Variants in DOCK2 observed in about 807,000 individuals in gnomAD.
The protein encoded by DOCK2 is dedicator of cytokinesis 2, also known as dedicator of cytokinesis protein 2.
In DOCK2, 87 loss-of-function variants were observed where a neutral mutation model predicts 248.9. The observed-to-expected ratio is 0.35, with a 90% CI of 0.29 to 0.42. The LOEUF (loss-of-function observed/expected upper bound fraction) is 0.42. Ranked by LOEUF, DOCK2 falls within the 10% of genes least tolerant of loss-of-function variation. The pLI is 1.00. For missense variants in DOCK2, 1,747 were observed against 2,300.2 expected, an observed-to-expected ratio of 0.76 and a Z score of 4.92; for synonymous variants, 805 against 821.6, an observed-to-expected ratio of 0.98 and a Z score of 0.35.
At chr5:169,865,089 G>A (rs906660721) in intron 27 of DOCK2, among the ~76,000 whole-genome samples, 1 of 152,172 alleles carries the variant, frequency 6.6e-6, no homozygotes, top group African/African-American at 2.4e-5. Flanking sequence ...ATATCTTGGA[G>A]AGCTTTACAT....
intron 25 of DOCK2, among the ~76,000 whole-genome samples, chr5:169,776,620 C>T (rs773247894): frequency 5.3e-5 from 8 of 152,196 alleles, no homozygotes; most frequent in Middle Eastern, 3.2e-3. Flanking sequence ...CTTGGCTCTG[C>T]GCCCCTGACC....
intron 27 of DOCK2, among the ~76,000 whole-genome samples, chr5:169,849,163 G>A (rs1192944711): frequency 6.6e-6 from 1 of 152,216 alleles, no homozygotes; most frequent in Non-Finnish European, 1.5e-5. Flanking sequence ...TTGTTGAAAA[G>A]TAATATTTAT....
intron 26 of DOCK2, among the ~76,000 whole-genome samples, chr5:169,805,910 C>T (rs1238658581): frequency 6.6e-6 from 1 of 152,152 alleles, no homozygotes; most frequent in African/African-American, 2.4e-5. Flanking sequence ...TGGGGACTAA[C>T]CCACCCCTTT....
chr5:169,814,509 T>A (rs1767949728), intron 26 of DOCK2, among the ~76,000 whole-genome samples: 1 of 152,160 alleles, frequency 6.6e-6, no homozygotes, highest in Non-Finnish European at 1.5e-5. Flanking sequence ...CTGGCAAAAT[T>A]AGAATAAAGG....
At chr5:169,811,116 T>C (rs541856048) in intron 26 of DOCK2, among the ~76,000 whole-genome samples, 2 of 152,030 alleles carry the variant, frequency 1.3e-5, no homozygotes, top group African/African-American at 4.8e-5. Flanking sequence ...GGGAGGGGAC[T>C]GCGGCATGAG....
intron 27 of DOCK2, among the ~76,000 whole-genome samples, chr5:169,891,378 T>C (rs1773270745): frequency 6.6e-6 from 1 of 152,216 alleles, no homozygotes; most frequent in Admixed American, 6.5e-5. Context: ...GAGTAAATTC[T>C]TATAGTTAGA....
At chr5:169,899,303 G>A (rs1773789312) in intron 27 of DOCK2, among the ~76,000 whole-genome samples, 1 of 152,150 alleles carries the variant, frequency 6.6e-6, no homozygotes, top group Non-Finnish European at 1.5e-5. Flanking sequence ...TCCTCAGAGT[G>A]CCTGACTTCC....
chr5:169,663,634 A>C (rs1758568935), intron 2 of DOCK2, among the ~76,000 whole-genome samples: 1 of 152,186 alleles, frequency 6.6e-6, no homozygotes, highest in Admixed American at 6.5e-5. Context: ...AAGCCACCAA[A>C]TCTTGGGGCC....
rs1259560465 is a variant in DOCK2, at chr5:169,708,272, T to G, written c.1482+5T>G. Reference sequence around the variant, plus strand: ...CGCTGGATGGAAACAGTCAAGGTAATAATTAATAATAGCAGCAAACACATG... The same window carrying G: ...CGCTGGATGGAAACAGTCAAGGTAAGAATTAATAATAGCAGCAAACACATG... On this transcript the variant is annotated splice_donor_5th_base_variant and intron_variant, in intron 15 of 51. Transcript: ENST00000520908. 2 of 1,612,448 alleles carry G rather than the reference T, an allele frequency of 1.2e-6. No individual in the cohort carries two copies. The highest frequency in any genetic ancestry group is 1.7e-4 in the Middle Eastern group (1 of 6,054).
rs1397769768 is a variant in DOCK2 at position 169,944,928 on chromosome 5, T to A, written c.2800-38140T>A. Among the ~76,000 whole-genome samples the A allele has an allele frequency of 2.6e-5, 4 of 152,204 alleles. No homozygotes were observed. The East Asian group carries it at 7.7e-4, about 29-fold the overall frequency. On this transcript the variant is annotated intron_variant, in intron 27 of 51. Transcript: ENST00000520908. Reference sequence around the variant, plus strand: ...GCCCTGTCTCTTGTCTGCTACATGTTCTAACTTCTTTCTCCCTTCAGAAAT... The same window carrying A: ...GCCCTGTCTCTTGTCTGCTACATGTACTAACTTCTTTCTCCCTTCAGAAAT...
At chr5:169,924,738 A>G (rs1328658174) in intron 27 of DOCK2, among the ~76,000 whole-genome samples, 2 of 152,242 alleles carry the variant, frequency 1.3e-5, no homozygotes, top group African/African-American at 4.8e-5. Context: ...AATAATTAAC[A>G]GGACATTTCT....
chr5:169,647,190 G>A (rs1473154226), intron 1 of DOCK2, among the ~76,000 whole-genome samples: 1 of 152,206 alleles, frequency 6.6e-6, no homozygotes, highest in Non-Finnish European at 1.5e-5. Flanking sequence ...GCTCTATGAT[G>A]GCAGGGCCAT....
intron 12 of DOCK2, among the ~76,000 whole-genome samples, chr5:169,699,790 A>AGTG (rs1478097520): frequency 6.6e-6 from 1 of 152,198 alleles, no homozygotes; most frequent in East Asian, 1.9e-4. Context: ...GGCTTAGAGA[A>AGTG]GTGGGATAAT....
In DOCK2 at chr5:169,692,981, G is replaced by A. The variant is rs572972404; in HGVS notation, c.844-2822G>A. Among the ~76,000 whole-genome samples, 49 of 150,942 alleles carry A rather than the reference G, an allele frequency of 3.2e-4. 1 individual carries two copies. The highest frequency in any genetic ancestry group is 1.2e-3 in the African/African-American group (49 of 41,144). ...TGCAGTCATGTTGTGAGACACTGAA[G>A]ATTAGGTATTCAATATATGAATTTG... On this transcript the variant is annotated intron_variant, in intron 9 of 51. Transcript: ENST00000520908.
At chr5:170,047,218 G>A (rs1003951643) in intron 39 of DOCK2, among the ~76,000 whole-genome samples, 1 of 152,120 alleles carries the variant, frequency 6.6e-6, no homozygotes, top group African/African-American at 2.4e-5. Flanking sequence ...ATGCTTACTG[G>A]CTGCTTTACG....
intron 50 of DOCK2, chr5:170,080,718 A>C (rs1758001490): frequency 5.8e-6 from 1 of 171,202 alleles, no homozygotes; most frequent in African/African-American, 2.3e-5. Flanking sequence ...TTTGGTGCAT[A>C]GATGCTACCT....
At chr5:170,030,349 GA>G (rs1311281423) in intron 34 of DOCK2, among the ~76,000 whole-genome samples, 1 of 152,168 alleles carries the variant, frequency 6.6e-6, no homozygotes, top group Non-Finnish European at 1.5e-5. Flanking sequence ...GTCCCCATCA[GA>G]ACATCCATGG....
Position 170,013,849 on chromosome 5 carries a change from C to T in DOCK2, c.3232+5103C>T, listed in dbSNP as rs143395084. ...TATGCCAGTAGCTGGGGTTAAAACC[C>T]GAATCAGGTTAGAGATATAGCCCCT... On this transcript the variant is annotated intron_variant, in intron 32 of 51. Transcript: ENST00000520908. Among the ~76,000 whole-genome samples the T allele has an allele frequency of 1.8e-3, 274 of 152,216 alleles. 1 individual carries two copies. Among genetic ancestry groups the T allele is most frequent in the Admixed American group, 3.3e-3 (50 of 15,292 alleles).
At chr5:169,883,626 G>A (rs1327608558) in intron 27 of DOCK2, 5 of 1,551,534 alleles carry the variant, frequency 3.2e-6, no homozygotes, top group Non-Finnish European at 4.4e-6. Flanking sequence ...TGTTGCGAAA[G>A]CCCCCTGCCT....
Sources: gnomAD v4.1 joint callset for allele counts (sites outside exome capture counted in the v4.1 genomes callset) on GRCh38, gnomAD v4.1.1 for gene constraint, MANE v1.5 for transcripts, NCBI Gene and HGNC (gene_info 2026-07-23, HGNC 2026-07-21) for gene names.